NTAQ1: variants seen among roughly 807,000 people sequenced by gnomAD.
NTAQ1 encodes N-terminal glutamine amidase 1.
Under a neutral mutation model 28.2 loss-of-function variants are expected in NTAQ1, and 21 were observed. That is an observed-to-expected ratio of 0.74 (90% confidence interval 0.53 to 1.07). NTAQ1 has a LOEUF of 1.07. NTAQ1 is among the 50% of genes least tolerant of loss of function. NTAQ1 has a pLI of 0.00. For synonymous variants in NTAQ1, 105 were observed against 90.0 expected, an observed-to-expected ratio of 1.17 and a Z score of -0.94; for missense variants, 264 against 256.6, an observed-to-expected ratio of 1.03 and a Z score of -0.20.
downstream of NTAQ1, among the ~76,000 whole-genome samples, chr8:123,471,297 C>T (rs1816038838): frequency 6.6e-6 from 1 of 152,166 alleles, no homozygotes; most frequent in Admixed American, 6.5e-5. Context: ...ACTGTGACCT[C>T]ATCTCAAATA....
At chr8:123,421,837 C>T (rs866742652) in intron 1 of NTAQ1, among the ~76,000 whole-genome samples, 15 of 143,990 alleles carry the variant, frequency 1.0e-4, no homozygotes, top group Non-Finnish European at 6.1e-5. Context: ...TGCAGGTGTC[C>T]ACCACCACAC....
chr8:123,440,825 A>T (rs1294298058), intron 5 of NTAQ1, among the ~76,000 whole-genome samples: 1 of 152,114 alleles, frequency 6.6e-6, no homozygotes, highest in African/African-American at 2.4e-5. Flanking sequence ...ATCGAGGGCT[A>T]ATTTAGCCCC....
At chr8:123,474,040 A>C (rs1816067652), downstream of NTAQ1, among the ~76,000 whole-genome samples, 2 of 152,340 alleles carry the variant, frequency 1.3e-5, no homozygotes, top group African/African-American at 4.8e-5. Context: ...GTCTTAAAAA[A>C]GTTACAAAAA....
At chr8:123,457,168 G>A (rs1321897148) in intron 6 of NTAQ1, among the ~76,000 whole-genome samples, 1 of 152,168 alleles carries the variant, frequency 6.6e-6, no homozygotes, top group African/African-American at 2.4e-5. Flanking sequence ...CCTGGTTCAA[G>A]CAATTCTCCT....
intron 3 of NTAQ1, among the ~76,000 whole-genome samples, chr8:123,433,194 A>T (rs1215742325): frequency 6.6e-6 from 1 of 152,202 alleles, no homozygotes; most frequent in Non-Finnish European, 1.5e-5. Context: ...CATCTGTGCC[A>T]TGAAGGCAAT....
intron 6 of NTAQ1, among the ~76,000 whole-genome samples, chr8:123,454,207 C>T (rs989005461): frequency 2.0e-5 from 3 of 152,128 alleles, no homozygotes; most frequent in African/African-American, 7.2e-5. Context: ...CAGGTCTCAG[C>T]GGCAGAGAAC....
Position 123,441,534 on chromosome 8 carries a change from TTTGA to T in NTAQ1, c.*124_*127del, listed in dbSNP as rs1181814875. On this transcript the variant is annotated 3_prime_UTR_variant, in exon 6 of 6. Coordinates refer to ENST00000287387, the MANE Select transcript of NTAQ1 (RefSeq NM_018024.3). ...TTGGAATTATGTCTTTCTCTTTTAATTTGATTGAGTGGAAATCTGAGTGAATACA... is the reference window on the plus strand; with the variant it reads ...TTGGAATTATGTCTTTCTCTTTTAATTTGAGTGGAAATCTGAGTGAATACA... 6.3e-6 allele frequency: 5 copies of T among 796,046 alleles called. No individual in the cohort carries two copies. Among genetic ancestry groups the T allele is most frequent in the African/African-American group, 5.3e-5 (3 of 56,964 alleles). The allele number at this position is 796,046 out of a possible 1,614,324, so 49.3% of individuals were successfully genotyped here. A position where few individuals can be genotyped will look rare whatever the true frequency, so the allele number is the denominator to read the frequency against.
At position 123,429,411 on chromosome 8, in the gene NTAQ1, T is replaced by A. The variant is rs1814259897; in HGVS notation, c.184-572T>A. Among the ~76,000 whole-genome samples, 4 of 152,210 alleles carry A rather than the reference T, an allele frequency of 2.6e-5. No homozygotes were observed. The South Asian group carries it at 8.3e-4, about 31-fold the overall frequency. On this transcript the variant is annotated intron_variant, in intron 2 of 5. Coordinates refer to ENST00000287387, the MANE Select transcript of NTAQ1 (RefSeq NM_018024.3). ...TTTATTTCTCATGTATGTATTGCTT[T>A]AAATAGTAGTAGCCAGGTACAGTGA...
chr8:123,444,608 G>A (rs1435209441), downstream of NTAQ1, among the ~76,000 whole-genome samples: 4 of 152,214 alleles, frequency 2.6e-5, no homozygotes, highest in Admixed American at 6.5e-5. Context: ...CCGGGTTCAC[G>A]CCATTCTCCT....
At chr8:123,443,929 C>G (rs1815173589), downstream of NTAQ1, among the ~76,000 whole-genome samples, 1 of 152,048 alleles carries the variant, frequency 6.6e-6, no homozygotes, top group African/African-American at 2.4e-5. Flanking sequence ...CTTGTGCGAG[C>G]TGGATTTCTG....
chr8:123,471,954 C>T (rs1816046532), downstream of NTAQ1, among the ~76,000 whole-genome samples: 2 of 152,200 alleles, frequency 1.3e-5, no homozygotes, highest in Admixed American at 6.5e-5. Flanking sequence ...AAGCACAATT[C>T]AACCCATAAA....
chr8:123,417,468 G>A (rs140783555), intron 1 of NTAQ1, among the ~76,000 whole-genome samples: 129 of 152,230 alleles, frequency 8.5e-4, no homozygotes, highest in African/African-American at 2.9e-3. Flanking sequence ...GAAGCACAGA[G>A]GGCTGCAAGT....
intron 6 of NTAQ1, among the ~76,000 whole-genome samples, chr8:123,462,525 A>G (rs2130428928): frequency 6.6e-6 from 1 of 152,302 alleles, no homozygotes; most frequent in Admixed American, 6.5e-5. Flanking sequence ...AAAGAAGGAG[A>G]TGATAATAAT....
downstream of NTAQ1, among the ~76,000 whole-genome samples, chr8:123,447,031 TTCTG>T (rs67180466): frequency 0.36 from 54,625 of 151,442 alleles, 9,914 homozygotes; most frequent in East Asian, 0.56. Flanking sequence ...TGCTTGAATA[TTCTG>T]TCTGTCTATC....
At position 123,439,625 on chromosome 8, in the gene NTAQ1, C is replaced by T. The variant is rs975210096; in HGVS notation, c.509-1681C>T. Among the ~76,000 whole-genome samples the T allele has an allele frequency of 4.0e-5, 6 of 151,726 alleles. No individual in the cohort carries two copies. In the East Asian group the frequency reaches 5.9e-4, roughly 15 times the overall value. On this transcript the variant is annotated intron_variant, in intron 5 of 5. Transcript: ENST00000287387. ...CCTCCCAAAGTGCTGGGATTACAGG[C>T]GTGAGCCACCGCGCCGGCCACACCT...
downstream of NTAQ1, among the ~76,000 whole-genome samples, chr8:123,446,925 AG>A (rs1296158547): frequency 6.6e-6 from 1 of 152,166 alleles, no homozygotes; most frequent in East Asian, 1.9e-4. Flanking sequence ...ACATGGGGGA[AG>A]CCTGCAAGTT....
chr8:123,455,624 C>T (rs1815627604), intron 6 of NTAQ1, among the ~76,000 whole-genome samples: 1 of 151,944 alleles, frequency 6.6e-6, no homozygotes, highest in Middle Eastern at 3.4e-3. Flanking sequence ...AGCGTTTCAC[C>T]ATGTTGCCCA....
At chr8:123,472,407 T>G (rs898574570), downstream of NTAQ1, among the ~76,000 whole-genome samples, 14 of 152,182 alleles carry the variant, frequency 9.2e-5, no homozygotes, top group Admixed American at 7.9e-4. Flanking sequence ...ATATATTGTC[T>G]CATAGTTCTG....
Position 123,416,796 on chromosome 8 carries a change from C to A in NTAQ1, c.-54C>A, listed in dbSNP as rs949619878. The A allele has an allele frequency of 2.7e-6, 4 of 1,483,018 alleles. No homozygotes were observed. The highest frequency in any genetic ancestry group is 1.8e-6 in the Non-Finnish European group (2 of 1,114,384). The allele number at this position is 1,483,018 out of a possible 1,614,324, so 91.9% of individuals were successfully genotyped here. Reference sequence around the variant, plus strand: ...GCCACTACAAGCCCGCCCTTTCCTACGTCTGGTCCAGTCGGTCTTCCTCCG... The same window carrying A: ...GCCACTACAAGCCCGCCCTTTCCTAAGTCTGGTCCAGTCGGTCTTCCTCCG... On this transcript the variant is annotated 5_prime_UTR_variant, in exon 1 of 6. Coordinates refer to ENST00000287387, the MANE Select transcript of NTAQ1 (RefSeq NM_018024.3).
Sources: gnomAD v4.1 joint callset for allele counts (sites outside exome capture counted in the v4.1 genomes callset) on GRCh38, gnomAD v4.1.1 for gene constraint, MANE v1.5 for transcripts, NCBI Gene and HGNC (gene_info 2026-07-23, HGNC 2026-07-21) for gene names.